Variants in ADGRL2 observed in about 807,000 individuals in gnomAD.
ADGRL2 encodes calcium-independent alpha-latrotoxin receptor 2.
ADGRL2 carries 44 observed loss-of-function variants against 157.4 expected under a neutral mutation model. The ratio of observed to expected loss-of-function variants is 0.28; its 90% CI spans 0.22 to 0.36. ADGRL2 has a LOEUF of 0.36. Ranked by LOEUF, ADGRL2 falls within the 10% of genes least tolerant of loss-of-function variation. The pLI is 1.00. For synonymous variants in ADGRL2, 585 were observed against 624.7 expected, an observed-to-expected ratio of 0.94 and a Z score of 0.95; for missense variants, 1,510 against 1,768.9, an observed-to-expected ratio of 0.85 and a Z score of 2.63.
At chr1:81,637,466 A>G (rs1034922789) in intron 3 of ADGRL2, among the ~76,000 whole-genome samples, 1 of 152,110 alleles carries the variant, frequency 6.6e-6, no homozygotes, top group African/African-American at 2.4e-5. Flanking sequence ...CAGCTGAAAA[A>G]CAACTGAAAT....
intron 23 of ADGRL2, 111 bp downstream of exon 23, chr1:81,987,997 A>G (rs920814031): frequency 3.0e-5 from 7 of 230,974 alleles, no homozygotes; most frequent in Non-Finnish European, 6.7e-5. Context: ...TCAGCGGGCA[A>G]GTGGTTCACA....
intron 2 of ADGRL2, among the ~76,000 whole-genome samples, chr1:81,899,033 A>G (rs1383955367): frequency 6.6e-6 from 1 of 152,214 alleles, no homozygotes; most frequent in Non-Finnish European, 1.5e-5. Flanking sequence ...GGACCCTCAA[A>G]CAGCATGAGC....
Position 81,943,362 on chromosome 1 carries a change from T to C in ADGRL2, c.803T>C (p.Ile268Thr). The C allele has an allele frequency of 6.2e-7, 1 of 1,613,656 alleles. No homozygotes were observed. The highest frequency in any genetic ancestry group is 8.5e-7 in the Non-Finnish European group (1 of 1,179,744). ...TACAGATGGGGAGGAAAGACTGATATCGACCTAGCAGTTGATGAAAATGGT... is the reference window on the plus strand; with the variant it reads ...TACAGATGGGGAGGAAAGACTGATACCGACCTAGCAGTTGATGAAAATGGT... ...SPYRWGGKTD[I>T]DLAVDENGLW... Residue 268 changes from isoleucine (I) to threonine (T), a missense_variant, in exon 6 of 24, where the codon ATC becomes ACC. Ile to Thr is a moderately conservative substitution (Grantham distance 89). Around this residue, in one of 4 missense-constraint regions of ADGRL2, gnomAD observed 361 missense variants for 498.4 expected, o/e 0.72. Coordinates refer to ENST00000686636, the MANE Select transcript of ADGRL2 (RefSeq NM_001366006.2). This position sits in a 1 kb window ranked among gnomAD's most constrained non-coding sequence, Gnocchi z 5.6.
chr1:81,638,622 G>T (rs991723790), intron 3 of ADGRL2, among the ~76,000 whole-genome samples: 3 of 152,152 alleles, frequency 2.0e-5, no homozygotes, highest in African/African-American at 4.8e-5. Flanking sequence ...TGGATTAGTT[G>T]TAAATATGTA....
At chr1:81,958,930 A>G (rs771014854) in intron 11 of ADGRL2, among the ~76,000 whole-genome samples, 36 of 152,222 alleles carry the variant, frequency 2.4e-4, no homozygotes, top group Non-Finnish European at 4.4e-4. Flanking sequence ...ATGCAGAGGA[A>G]TATTTTTTGA....
At chr1:81,721,417 T>C (rs2084315121) in intron 1 of ADGRL2, among the ~76,000 whole-genome samples, 2 of 152,170 alleles carry the variant, frequency 1.3e-5, no homozygotes, top group African/African-American at 2.4e-5. Context: ...CCGACCCAAA[T>C]TGATCTTGAA....
At chr1:81,337,457 G>A (rs35808157) in intron 1 of ADGRL2, among the ~76,000 whole-genome samples, 35,482 of 152,090 alleles carry the variant, frequency 0.23, 4,518 homozygotes, top group Middle Eastern at 0.36. Context: ...TCCCATGAAG[G>A]ATTGAGAGCT....
intron 2 of ADGRL2, among the ~76,000 whole-genome samples, chr1:81,883,545 GA>G (rs1429107039): frequency 6.6e-6 from 1 of 152,090 alleles, no homozygotes; most frequent in Admixed American, 6.5e-5. Flanking sequence ...AAAATGGGGG[GA>G]AAGATATTTA....
intron 3 of ADGRL2, among the ~76,000 whole-genome samples, chr1:81,642,548 C>A (rs960461033): frequency 6.6e-6 from 1 of 151,876 alleles, no homozygotes; most frequent in African/African-American, 2.4e-5. Context: ...TAATTAATAA[C>A]CTTCCAAAAC....
intron 2 of ADGRL2, among the ~76,000 whole-genome samples, chr1:81,762,346 C>T (rs2085912049): frequency 6.6e-6 from 1 of 152,134 alleles, no homozygotes; most frequent in South Asian, 2.1e-4. Context: ...AAGTATATAT[C>T]ATAACTTCTA....
chr1:81,657,082 A>G (rs571414072), intron 3 of ADGRL2, among the ~76,000 whole-genome samples: 1 of 152,188 alleles, frequency 6.6e-6, no homozygotes, highest in South Asian at 2.1e-4. Flanking sequence ...CAAGGCTCCA[A>G]TATGAGCCAG....
At chr1:81,838,912 C>T (rs936450077) in intron 2 of ADGRL2, among the ~76,000 whole-genome samples, 1 of 151,800 alleles carries the variant, frequency 6.6e-6, no homozygotes. Context: ...GTAAAAAGAA[C>T]CTGGGACGAA....
chr1:81,344,007 T>C (rs1662278118), intron 1 of ADGRL2, among the ~76,000 whole-genome samples: 1 of 152,210 alleles, frequency 6.6e-6, no homozygotes, highest in Non-Finnish European at 1.5e-5. Flanking sequence ...TGTAAGTTAT[T>C]GTCAATAATC....
At chr1:81,651,490 C>A (rs759641554) in intron 3 of ADGRL2, among the ~76,000 whole-genome samples, 6 of 152,070 alleles carry the variant, frequency 3.9e-5, no homozygotes, top group Non-Finnish European at 7.4e-5. Context: ...TTTCTGCAAA[C>A]GTACACAAAA....
At chr1:81,662,072 T>C (rs907458386) in intron 3 of ADGRL2, among the ~76,000 whole-genome samples, 1 of 152,166 alleles carries the variant, frequency 6.6e-6, no homozygotes, top group East Asian at 1.9e-4. Context: ...TATGTTTTGA[T>C]GTAGATGTGC....
intron 3 of ADGRL2, among the ~76,000 whole-genome samples, chr1:81,681,255 G>C (rs764709465): frequency 6.6e-6 from 1 of 152,224 alleles, no homozygotes; most frequent in Non-Finnish European, 1.5e-5. Flanking sequence ...GGGATGGAGG[G>C]CAAAGGAAGC....
intron 1 of ADGRL2, among the ~76,000 whole-genome samples, chr1:81,750,609 T>C (rs1445444139): frequency 2.0e-5 from 3 of 152,080 alleles, no homozygotes; most frequent in African/African-American, 7.2e-5. Flanking sequence ...TCCCAGCTAC[T>C]TGGGAGGCTG....
intron 3 of ADGRL2, among the ~76,000 whole-genome samples, chr1:81,592,136 C>G (rs539033330): frequency 6.6e-6 from 1 of 152,246 alleles, no homozygotes; most frequent in Non-Finnish European, 1.5e-5. Context: ...GTTCCAATTT[C>G]CCCATACCTC....
At chr1:81,512,727 G>A (rs1020305042) in intron 2 of ADGRL2, among the ~76,000 whole-genome samples, 5 of 152,072 alleles carry the variant, frequency 3.3e-5, no homozygotes, top group Non-Finnish European at 7.4e-5. Flanking sequence ...TACATATCAA[G>A]GTTGTCTTCC....
Sources: gnomAD v4.1 joint callset for allele counts (sites outside exome capture counted in the v4.1 genomes callset) on GRCh38, gnomAD v4.1.1 for gene constraint, gnomAD v4.1.1 regional missense constraint, Gnocchi (gnomAD v3.1) non-coding constraint, MANE v1.5 for transcripts, NCBI Gene and HGNC (gene_info 2026-07-23, HGNC 2026-07-21) for gene names.